The following SGCD variants were observed in gnomAD, a reference collection of about 807,000 sequenced individuals.
The protein encoded by SGCD is delta-sarcoglycan.
A neutral mutation model predicts 36.6 loss-of-function variants in SGCD; 18 were observed. The observed-to-expected ratio is 0.49, with a 90% CI of 0.34 to 0.73. The LOEUF (loss-of-function observed/expected upper bound fraction) is 0.73, where lower values mean the gene tolerates loss of function less well. Among genes scored for constraint, SGCD ranks in the 30% least tolerant of loss-of-function variants. The probability of loss-of-function intolerance (pLI) is 0.01; values close to 1 mark genes in which losing one functional copy is unlikely to be tolerated. For missense variants in SGCD, 387 were observed against 346.7 expected, an observed-to-expected ratio of 1.12 and a Z score of -0.92; for synonymous variants, 133 against 130.6, an observed-to-expected ratio of 1.02 and a Z score of -0.12.
chr5:156,742,536 T>TAAG (rs1348364433), intron 7 of SGCD, among the ~76,000 whole-genome samples: 9 of 152,170 alleles, frequency 5.9e-5, no homozygotes, highest in Non-Finnish European at 1.5e-5. Flanking sequence ...GACTCCTAGC[T>TAAG]ACTTTCCTTG....
chr5:155,827,062 GAAAGCCTGCTTTTTAGTTGACCAGCCA>G, the SGCD span, among the ~76,000 whole-genome samples: 2 of 152,234 alleles, frequency 1.3e-5, no homozygotes, highest in East Asian at 3.9e-4. Context: ...TCTTCTGAGA[GAAAGCCTGCTTTTTAGTTGACCAGCCA>G]TCCCAGTTTG....
chr5:156,625,904 CG>C (rs1263115832), intron 6 of SGCD, among the ~76,000 whole-genome samples: 1 of 152,062 alleles, frequency 6.6e-6, no homozygotes, highest in African/African-American at 2.4e-5. Flanking sequence ...GAGTTGGAAG[CG>C]GGGGTATGTT....
intron 7 of SGCD, among the ~76,000 whole-genome samples, chr5:156,682,631 A>G (rs541152177): frequency 6.6e-6 from 1 of 152,356 alleles, no homozygotes; most frequent in East Asian, 1.9e-4. Context: ...AAGGAACATT[A>G]AAGTTCTAAG....
At chr5:156,193,219 A>T (rs112088935) in intron 3 of SGCD, among the ~76,000 whole-genome samples, 4 of 152,188 alleles carry the variant, frequency 2.6e-5, no homozygotes, top group African/African-American at 9.6e-5. Flanking sequence ...GTGCTTCCAG[A>T]TTCTTTATCT....
intron 6 of SGCD, among the ~76,000 whole-genome samples, chr5:156,643,115 C>A (rs989496380): frequency 6.6e-6 from 1 of 150,886 alleles, no homozygotes; most frequent in Admixed American, 6.6e-5. Flanking sequence ...TCACTGCAAC[C>A]TCCACCTCCC....
chr5:156,229,745 C>T (rs2127650683), intron 3 of SGCD, among the ~76,000 whole-genome samples: 1 of 152,158 alleles, frequency 6.6e-6, no homozygotes, highest in South Asian at 2.1e-4. Flanking sequence ...GATTGTTCCC[C>T]CAAATATATT....
chr5:155,994,771 G>A lies in SGCD; in HGVS notation c.-281-123107G>A, dbSNP rs115125708. On this transcript the variant is annotated intron_variant, in intron 1 of 9. Transcript: ENST00000517913. ...TAATTAGAATGTCAAGGGTCTTTTG[G>A]TCTGATAGAGTTGTCAAGCTGAAGT... Among the ~76,000 whole-genome samples the A allele has an allele frequency of 3.7e-3, 569 of 152,210 alleles. 8 individuals carry two copies. The highest frequency in any genetic ancestry group is 0.013 in the African/African-American group (541 of 41,532).
intron 1 of SGCD, among the ~76,000 whole-genome samples, chr5:155,943,971 C>G (rs1045305426): frequency 1.3e-5 from 2 of 152,190 alleles, no homozygotes; most frequent in Non-Finnish European, 1.5e-5. Flanking sequence ...ATCTTTGAAC[C>G]TTCCACCTGT....
At chr5:156,270,901 T>C (rs548863258) in intron 3 of SGCD, among the ~76,000 whole-genome samples, 2 of 152,332 alleles carry the variant, frequency 1.3e-5, no homozygotes, top group South Asian at 4.1e-4. Context: ...ACACCATGCC[T>C]AGAATCCTTT....
intron 1 of SGCD, among the ~76,000 whole-genome samples, chr5:155,991,119 A>G (rs1758423944): frequency 6.6e-6 from 1 of 152,186 alleles, no homozygotes; most frequent in African/African-American, 2.4e-5. Context: ...CAAGTCAGTG[A>G]GATTATTCCC....
At chr5:156,613,894 G>A (rs1208444160) in intron 6 of SGCD, among the ~76,000 whole-genome samples, 2 of 152,170 alleles carry the variant, frequency 1.3e-5, no homozygotes, top group Admixed American at 1.3e-4. Flanking sequence ...CACTTGCCCT[G>A]AATAAATGCA....
chr5:156,304,929 T>A lies in SGCD; in HGVS notation c.-43-24605T>A, dbSNP rs369588655. 1.4e-4 allele frequency among the ~76,000 whole-genome samples: 22 copies of A among 152,262 alleles called. No individual in the cohort carries two copies. In the East Asian group the frequency reaches 2.7e-3, roughly 19 times the overall value. On this transcript the variant is annotated intron_variant, in intron 3 of 9. Coordinates refer to the SGCD transcript ENST00000517913. ...CTGGAGATTTGTGGAACTTTGAACTTGAGAGAGATGATTTAAGCTATTTGG... is the reference window on the plus strand; with the variant it reads ...CTGGAGATTTGTGGAACTTTGAACTAGAGAGAGATGATTTAAGCTATTTGG...
chr5:156,240,570 G>A (rs1234567460), intron 3 of SGCD, among the ~76,000 whole-genome samples: 1 of 152,124 alleles, frequency 6.6e-6, no homozygotes, highest in Non-Finnish European at 1.5e-5. Context: ...GCACCAAGCT[G>A]TACTGTTTGT....
intron 3 of SGCD, among the ~76,000 whole-genome samples, chr5:156,421,012 T>G (rs1390049097): frequency 6.8e-6 from 1 of 147,324 alleles, no homozygotes; most frequent in Non-Finnish European, 1.5e-5. Flanking sequence ...TCCAGTGTCT[T>G]TCTTTCAACT....
the SGCD span, among the ~76,000 whole-genome samples, chr5:155,734,776 GT>G: frequency 1.3e-5 from 2 of 152,176 alleles, no homozygotes; most frequent in Non-Finnish European, 2.9e-5. Context: ...CAATTAGGAT[GT>G]TTCATAGATC....
chr5:155,737,693 G>A, the SGCD span, among the ~76,000 whole-genome samples: 1 of 149,386 alleles, frequency 6.7e-6, no homozygotes, highest in Non-Finnish European at 1.5e-5. Context: ...TCAGGCTCAT[G>A]ACACCCACTC....
the SGCD span, among the ~76,000 whole-genome samples, chr5:155,787,376 GTATGTGCCACA>G: frequency 6.6e-6 from 1 of 152,120 alleles, no homozygotes; most frequent in Non-Finnish European, 1.5e-5. Context: ...AGCCAATACA[GTATGTGCCACA>G]TCCAGACTAT....
chr5:155,999,394 A>C (rs1758618829), intron 1 of SGCD, among the ~76,000 whole-genome samples: 1 of 152,220 alleles, frequency 6.6e-6, no homozygotes, highest in Non-Finnish European at 1.5e-5. Flanking sequence ...ACAGGGACTC[A>C]ATACATGGTT....
intron 3 of SGCD, among the ~76,000 whole-genome samples, chr5:156,439,530 TCCCC>T (rs1284640020): frequency 1.3e-5 from 2 of 151,980 alleles, no homozygotes; most frequent in African/African-American, 2.4e-5. Context: ...TGCCCCCTAC[TCCCC>T]ACCATGGTGG....
Sources: gnomAD v4.1 joint callset for allele counts (sites outside exome capture counted in the v4.1 genomes callset) on GRCh38, gnomAD v4.1.1 for gene constraint, MANE v1.5 for transcripts, NCBI Gene and HGNC (gene_info 2026-07-23, HGNC 2026-07-21) for gene names.